Variants in SLC25A13 observed in about 807,000 individuals in gnomAD.
SLC25A13 encodes electrogenic aspartate/glutamate antiporter SLC25A13, mitochondrial.
In SLC25A13, 70 loss-of-function variants were observed where a neutral mutation model predicts 85.5. The ratio of observed to expected loss-of-function variants is 0.82; its 90% CI spans 0.68 to 1.00. SLC25A13 has a LOEUF of 1.00. SLC25A13 is among the 50% of genes least tolerant of loss of function. The pLI is 0.00. For missense variants in SLC25A13, 765 were observed against 819.8 expected, an observed-to-expected ratio of 0.93 and a Z score of 0.82; for synonymous variants, 259 against 288.7, an observed-to-expected ratio of 0.90 and a Z score of 1.04.
At chr7:96,301,814 G>T (rs765096141) in intron 1 of SLC25A13, among the ~76,000 whole-genome samples, 17 of 151,934 alleles carry the variant, frequency 1.1e-4, no homozygotes, top group Non-Finnish European at 2.2e-4. Context: ...TTTTTTTGTA[G>T]AGACAGTCTC....
chr7:96,301,956 ACT>A (rs1439033474), intron 1 of SLC25A13, among the ~76,000 whole-genome samples: 1 of 151,706 alleles, frequency 6.6e-6, no homozygotes, highest in East Asian at 1.9e-4. Flanking sequence ...GAACAGAAAA[ACT>A]CTATGCATAG....
In SLC25A13 at chr7:96,120,537, A is replaced by C; in HGVS notation, c.*654T>G. ...TCTCAGTTTTTTCTGTCTGTACAGT[A>C]AAATGCCAAAAGTACTTCCCTAAAG... On this transcript the variant is annotated 3_prime_UTR_variant, in exon 18 of 18. Transcript: ENST00000265631. The C allele has an allele frequency of 2.2e-6, 1 of 454,556 alleles. No individual in the cohort carries two copies. The highest frequency in any genetic ancestry group is 1.6e-5 in the South Asian group (1 of 64,480). 28.2% of individuals were successfully genotyped at this position (454,556 alleles called of 1,614,324 possible).
chr7:96,316,455 T>C (rs1800129583), intron 1 of SLC25A13, among the ~76,000 whole-genome samples: 1 of 152,160 alleles, frequency 6.6e-6, no homozygotes, highest in African/African-American at 2.4e-5. Context: ...TACACATCCA[T>C]ACCCGATGGC....
At chr7:96,317,857 A>G (rs981277513) in intron 1 of SLC25A13, among the ~76,000 whole-genome samples, 2 of 149,574 alleles carry the variant, frequency 1.3e-5, no homozygotes. Flanking sequence ...GCTGGAGTAC[A>G]GTGGTGCTAT....
intron 3 of SLC25A13, among the ~76,000 whole-genome samples, chr7:96,271,615 G>A (rs1798241267): frequency 6.6e-6 from 1 of 152,154 alleles, no homozygotes; most frequent in African/African-American, 2.4e-5. Flanking sequence ...TAAATACCAA[G>A]AGCTTCAGTT....
chr7:96,259,188 C>T (rs1584524703), intron 3 of SLC25A13, among the ~76,000 whole-genome samples: 1 of 152,080 alleles, frequency 6.6e-6, no homozygotes, highest in African/African-American at 2.4e-5. Flanking sequence ...AAAGCAATGG[C>T]AACAAAAGCC....
intron 3 of SLC25A13, among the ~76,000 whole-genome samples, chr7:96,272,251 C>A (rs559996959): frequency 2.0e-5 from 3 of 152,018 alleles, no homozygotes; most frequent in Non-Finnish European, 4.4e-5. Flanking sequence ...TCTTCCAATT[C>A]TATCAAATAA....
At chr7:96,226,434 T>C (rs1031867494) in intron 4 of SLC25A13, among the ~76,000 whole-genome samples, 2 of 152,176 alleles carry the variant, frequency 1.3e-5, no homozygotes, top group Admixed American at 1.3e-4. Context: ...CATTTGGCTG[T>C]TGCGAACAGT....
intron 5 of SLC25A13, among the ~76,000 whole-genome samples, chr7:96,200,831 T>G (rs1388943025): frequency 1.3e-5 from 2 of 152,208 alleles, no homozygotes; most frequent in African/African-American, 4.8e-5. Flanking sequence ...CACAACAGGC[T>G]GCTCAACAAA....
intron 3 of SLC25A13, among the ~76,000 whole-genome samples, chr7:96,239,065 A>ATATATATATATATG (rs1392985826): frequency 2.3e-5 from 3 of 132,066 alleles, no homozygotes; most frequent in African/African-American, 8.8e-5. Flanking sequence ...ATATATATAT[A>ATATATATATATATG]TATGTATGTA....
chr7:96,272,657 G>A (rs1214770214), intron 3 of SLC25A13, among the ~76,000 whole-genome samples: 1 of 152,196 alleles, frequency 6.6e-6, no homozygotes, highest in East Asian at 1.9e-4. Flanking sequence ...CCCTCCCACT[G>A]ACCAGTTATG....
chr7:96,252,297 T>G (rs1231738874), intron 3 of SLC25A13, among the ~76,000 whole-genome samples: 1 of 152,028 alleles, frequency 6.6e-6, no homozygotes, highest in Admixed American at 6.6e-5. Context: ...CTAGACTGGA[T>G]GTAAGATTTG....
At chr7:96,284,479 T>G (rs925565555) in intron 2 of SLC25A13, among the ~76,000 whole-genome samples, 1 of 152,226 alleles carries the variant, frequency 6.6e-6, no homozygotes, top group African/African-American at 2.4e-5. Context: ...ACTATGTTAC[T>G]CTGTAATATG....
chr7:96,143,177 G>A (rs548718557), intron 14 of SLC25A13, among the ~76,000 whole-genome samples: 120 of 152,306 alleles, frequency 7.9e-4, no homozygotes, highest in African/African-American at 2.5e-3. Flanking sequence ...CTAACGAAGC[G>A]TCTTTTTGGC....
intron 5 of SLC25A13, among the ~76,000 whole-genome samples, chr7:96,198,157 A>T (rs538134835): frequency 6.6e-6 from 1 of 152,342 alleles, no homozygotes; most frequent in South Asian, 2.1e-4. Flanking sequence ...CGTAAACAGA[A>T]GTCATGACAC....
At chr7:96,176,688 G>A (rs538581786) in intron 11 of SLC25A13, among the ~76,000 whole-genome samples, 10 of 152,282 alleles carry the variant, frequency 6.6e-5, no homozygotes, top group Non-Finnish European at 8.8e-5. Context: ...CCCCAAAAGA[G>A]GTTCCTGGGC....
At chr7:96,294,132 G>T (rs1041343909) in intron 2 of SLC25A13, among the ~76,000 whole-genome samples, 3 of 152,274 alleles carry the variant, frequency 2.0e-5, no homozygotes, top group African/African-American at 4.8e-5. Context: ...CCTTTGCAGG[G>T]ACATGGATGA....
intron 3 of SLC25A13, among the ~76,000 whole-genome samples, chr7:96,244,540 G>A (rs1418286290): frequency 1.3e-5 from 2 of 152,158 alleles, no homozygotes; most frequent in Non-Finnish European, 2.9e-5. Context: ...TGACCTTGTT[G>A]GACAAGTTGG....
chr7:96,133,103 C>G (rs1792106008), intron 14 of SLC25A13, among the ~76,000 whole-genome samples: 1 of 152,194 alleles, frequency 6.6e-6, no homozygotes, highest in African/African-American at 2.4e-5. Flanking sequence ...AAGTTGCATC[C>G]TAGTTTGGCT....
Sources: allele counts gnomAD v4.1 joint callset (sites outside exome capture counted in the v4.1 genomes callset), GRCh38; gene constraint gnomAD v4.1.1; transcripts MANE v1.5; gene names NCBI Gene and HGNC (gene_info 2026-07-23, HGNC 2026-07-21).